Variants in UGGT2 observed in about 807,000 individuals in gnomAD.
UGGT2 encodes UDP-glucose:glycoprotein glucosyltransferase 2.
UGGT2 carries 180 observed loss-of-function variants against 192.1 expected under a neutral mutation model. The ratio of observed to expected loss-of-function variants is 0.94; its 90% CI spans 0.83 to 1.06. The LOEUF is 1.06. Ranked by LOEUF, UGGT2 falls within the 50% of genes least tolerant of loss-of-function variation. UGGT2 has a pLI of 0.00. For missense variants in UGGT2, 1,849 were observed against 1,795.7 expected (o/e 1.03, Z -0.54); for synonymous variants, 580 against 591.0 (o/e 0.98, Z 0.27).
At chr13:95,853,248 G>T (rs547005080) in intron 36 of UGGT2, among the ~76,000 whole-genome samples, 1 of 152,144 alleles carries the variant, frequency 6.6e-6, no homozygotes, top group East Asian at 1.9e-4. Flanking sequence ...CCCAGTCTTG[G>T]GTATATCTTT....
chr13:96,048,408 C>T (rs2053383348), intron 1 of UGGT2, among the ~76,000 whole-genome samples: 2 of 152,132 alleles, frequency 1.3e-5, no homozygotes, highest in Admixed American at 1.3e-4. Flanking sequence ...GACACCCTAA[C>T]ATCAAATTAA....
chr13:96,052,994 C>T (rs1408753557), intron 1 of UGGT2, among the ~76,000 whole-genome samples, 161 bp downstream of exon 1: 1 of 152,246 alleles, frequency 6.6e-6, no homozygotes, highest in Admixed American at 6.5e-5. Flanking sequence ...GAGAAGCCGC[C>T]CCGGGTCGGG....
intron 20 of UGGT2, among the ~76,000 whole-genome samples, chr13:95,911,487 G>C (rs575675399): frequency 2.6e-5 from 4 of 152,302 alleles, no homozygotes; most frequent in Non-Finnish European, 5.9e-5. Flanking sequence ...AAATCTAGAA[G>C]AAATGGATAA....
At chr13:95,973,928 G>C (rs1402378557) in intron 10 of UGGT2, among the ~76,000 whole-genome samples, 1 of 152,182 alleles carries the variant, frequency 6.6e-6, no homozygotes, top group African/African-American at 2.4e-5. Context: ...AATGAAAGCT[G>C]TTATTATCAG....
At chr13:95,966,565 C>T (rs1226505628) in intron 12 of UGGT2, among the ~76,000 whole-genome samples, 3 of 152,070 alleles carry the variant, frequency 2.0e-5, no homozygotes, top group South Asian at 4.1e-4. Flanking sequence ...TTAAAATGTT[C>T]CCAACACATA....
Position 95,927,071 on chromosome 13 carries a change from CTT to C in UGGT2, c.2155_2156del (p.Lys719GlufsTer16). On this transcript the variant is annotated frameshift_variant, in exon 19 of 39. Transcript: ENST00000376747. LOFTEE classifies it high-confidence loss of function. ...ACATGTTCTTTGCAATTACAGCACT[CTT>C]ATCTTGTGAATCCAAGAAAAAGAAA... Reference protein sequence around the residue: ...STFFFLDSQDKSAVIAKNMYY... With the variant: ...STFFFLDSQDXSAVIAKNMYY... 1 of 1,611,424 alleles carries C rather than the reference CTT, an allele frequency of 6.2e-7. No individual in the cohort carries two copies. Among genetic ancestry groups the C allele is most frequent in the East Asian group, 2.2e-5 (1 of 44,716 alleles).
At chr13:95,887,376 G>A (rs1026192143) in intron 26 of UGGT2, 21 of 480,908 alleles carry the variant, frequency 4.4e-5, no homozygotes, top group Admixed American at 3.3e-4. Flanking sequence ...GAAGAGAAAG[G>A]GTATATTTTT....
rs141480661 is a variant in UGGT2 at position 95,930,221 on chromosome 13, C to T, written c.1978-2885G>A. On this transcript the variant is annotated intron_variant, in intron 17 of 38. Transcript: ENST00000376747. The stretch of plus-strand genomic sequence containing the variant: ...GAATATTTTCTGTATATTCTGTAGG[C>T]TGTCTGTTTACTCTGTTGCGAGTTT... Among the ~76,000 whole-genome samples the T allele has an allele frequency of 3.2e-3, 482 of 152,060 alleles. 3 individuals carry two copies. Among genetic ancestry groups the T allele is most frequent in the African/African-American group, 0.011 (460 of 41,496 alleles).
At chr13:95,935,624 G>A (rs181821436) in intron 17 of UGGT2, among the ~76,000 whole-genome samples, 2 of 152,230 alleles carry the variant, frequency 1.3e-5, no homozygotes, top group African/African-American at 4.8e-5. Context: ...TGCTGACCTT[G>A]TATAGTATCT....
chr13:95,918,566 C>CA (rs891560910), intron 20 of UGGT2, among the ~76,000 whole-genome samples: 1 of 151,342 alleles, frequency 6.6e-6, no homozygotes, highest in Non-Finnish European at 1.5e-5. Flanking sequence ...AAAAACTCTT[C>CA]AAAAAAAATC....
intron 38 of UGGT2, among the ~76,000 whole-genome samples, chr13:95,806,626 C>T (rs1244542079): frequency 1.3e-5 from 2 of 152,044 alleles, no homozygotes; most frequent in Non-Finnish European, 2.9e-5. Flanking sequence ...AAATTGGACT[C>T]ACTGATTTCA....
chr13:95,964,755 A>C (rs2050513305), intron 12 of UGGT2, among the ~76,000 whole-genome samples: 1 of 152,174 alleles, frequency 6.6e-6, no homozygotes, highest in Non-Finnish European at 1.5e-5. Context: ...GGATCTAATT[A>C]AACTAAAGAG....
intron 11 of UGGT2, among the ~76,000 whole-genome samples, chr13:95,971,401 T>C (rs182573556): frequency 9.2e-5 from 14 of 152,312 alleles, no homozygotes; most frequent in Non-Finnish European, 1.6e-4. Flanking sequence ...AAGAGAATCA[T>C]GGTAGCACTA....
At chr13:95,836,038 GC>G (rs1887241350) in intron 37 of UGGT2, among the ~76,000 whole-genome samples, 1 of 151,764 alleles carries the variant, frequency 6.6e-6, no homozygotes, top group South Asian at 2.1e-4. Flanking sequence ...CTAGCTCTCA[GC>G]CCTTTTTTTT....
chr13:95,933,672 A>G (rs889844211), intron 17 of UGGT2, among the ~76,000 whole-genome samples: 1 of 130,530 alleles, frequency 7.7e-6, no homozygotes, highest in Admixed American at 7.4e-5. Flanking sequence ...AGATAGTTCT[A>G]AATTTTTTTG....
chr13:95,942,829 G>A (rs1335292781), intron 15 of UGGT2, among the ~76,000 whole-genome samples: 1 of 152,082 alleles, frequency 6.6e-6, no homozygotes, highest in Admixed American at 6.6e-5. Flanking sequence ...TTTTCCTGCA[G>A]ACTTAGAGCT....
At chr13:96,038,557 T>C (rs529992911) in intron 1 of UGGT2, among the ~76,000 whole-genome samples, 1 of 152,308 alleles carries the variant, frequency 6.6e-6, no homozygotes, top group South Asian at 2.1e-4. Flanking sequence ...ATGTTTGTAC[T>C]GGGCTTCTGC....
chr13:96,028,505 T>C (rs1470603464), intron 2 of UGGT2, among the ~76,000 whole-genome samples: 1 of 152,216 alleles, frequency 6.6e-6, no homozygotes, highest in East Asian at 1.9e-4. Flanking sequence ...CTCACAAAAC[T>C]ACATAGGTTA....
intron 30 of UGGT2, among the ~76,000 whole-genome samples, chr13:95,866,191 C>A (rs560004679): frequency 6.6e-6 from 1 of 152,084 alleles, no homozygotes; most frequent in Non-Finnish European, 1.5e-5. Context: ...TATTGTATTA[C>A]TCAGTTTCCA....
Sources: allele counts gnomAD v4.1 joint callset (sites outside exome capture counted in the v4.1 genomes callset), GRCh38; gene constraint gnomAD v4.1.1; transcripts MANE v1.5; gene names NCBI Gene and HGNC (gene_info 2026-07-23, HGNC 2026-07-21).